SLC9D1: variants seen among roughly 807,000 people sequenced by gnomAD.
SLC9D1 encodes the protein solute carrier family 9 member D1.
chr13:113,544,461 C>T, the SLC9D1 span, among the ~76,000 whole-genome samples: 2 of 152,258 alleles, frequency 1.3e-5, no homozygotes, highest in Admixed American at 6.5e-5. Flanking sequence ...GGTTCGCCAG[C>T]TGCGGCCCAA....
chr13:113,505,325 T>G, the SLC9D1 span: 1 of 152,250 alleles, frequency 6.6e-6, no homozygotes, highest in East Asian at 1.9e-4. Flanking sequence ...TGCCTTGACC[T>G]GGTAGTTCTT....
At chr13:113,516,941 A>G in the SLC9D1 span, among the ~76,000 whole-genome samples, 3 of 152,242 alleles carry the variant, frequency 2.0e-5, no homozygotes, top group South Asian at 6.2e-4. Context: ...TCGGAGCAAG[A>G]CTCATTGTCC....
the SLC9D1 span, among the ~76,000 whole-genome samples, chr13:113,508,607 C>T: frequency 2.6e-5 from 4 of 152,240 alleles, no homozygotes; most frequent in Admixed American, 6.5e-5. Context: ...CCTGAGTCTC[C>T]GCAGCCCAGA....
chr13:113,543,114 C>CCGCCCT, the SLC9D1 span, among the ~76,000 whole-genome samples: 1 of 103,520 alleles, frequency 9.7e-6, no homozygotes, highest in African/African-American at 3.7e-5. Context: ...CCCCTGCCCC[C>CCGCCCT]AGCCCTCCCT....
At chr13:113,518,525 G>A in the SLC9D1 span, among the ~76,000 whole-genome samples, 18 of 152,232 alleles carry the variant, frequency 1.2e-4, no homozygotes, top group Non-Finnish European at 1.9e-4. Context: ...TGTAGTGAGA[G>A]ATTTTGTTTC....
chr13:113,539,344 C>T, the SLC9D1 span: 1 of 1,610,518 alleles, frequency 6.2e-7, no homozygotes, highest in Non-Finnish European at 8.5e-7. The surrounding 1 kb of genome is among the most constrained non-coding windows in gnomAD (Gnocchi z 4.8). Flanking sequence ...AAGCTGCGTC[C>T]TGCCTCTCTC....
the SLC9D1 span, among the ~76,000 whole-genome samples, chr13:113,524,682 T>C: frequency 2.6e-5 from 4 of 152,172 alleles, no homozygotes; most frequent in East Asian, 7.7e-4. Context: ...TAATTCACTT[T>C]ATCTGATATT....
At chr13:113,507,856 G>A in the SLC9D1 span, among the ~76,000 whole-genome samples, 7 of 152,382 alleles carry the variant, frequency 4.6e-5, no homozygotes, top group South Asian at 2.1e-4. Flanking sequence ...CCTACCCTGC[G>A]GCTTGTATTT....
At chr13:113,546,499 G>A in the SLC9D1 span, among the ~76,000 whole-genome samples, 10 of 152,272 alleles carry the variant, frequency 6.6e-5, no homozygotes, top group Admixed American at 3.3e-4. The surrounding 1 kb of genome is among the most constrained non-coding windows in gnomAD (Gnocchi z 7.1). Flanking sequence ...AGAGAACCCC[G>A]GGTCGTGGCA....
chr13:113,545,578 G>A, the SLC9D1 span, among the ~76,000 whole-genome samples: 7 of 152,228 alleles, frequency 4.6e-5, no homozygotes, highest in East Asian at 9.7e-4. Context: ...CCCCCACTCC[G>A]CCCCCAGGGC....
the SLC9D1 span, among the ~76,000 whole-genome samples, chr13:113,494,158 T>C: frequency 6.6e-6 from 1 of 152,232 alleles, no homozygotes; most frequent in African/African-American, 2.4e-5. Flanking sequence ...TAACAGTCCA[T>C]TGGATGCTGC....
chr13:113,501,966 T>C, the SLC9D1 span: 1 of 1,079,962 alleles, frequency 9.3e-7, no homozygotes, highest in Non-Finnish European at 1.4e-6. Context: ...TTGAATGTGA[T>C]TAATGCAGAT....
chr13:113,495,674 T>G, the SLC9D1 span: 1 of 1,609,568 alleles, frequency 6.2e-7, no homozygotes, highest in Non-Finnish European at 8.5e-7. Flanking sequence ...TGGCGCAGCG[T>G]GTGATCAAAC....
chr13:113,517,064 A>G, the SLC9D1 span, among the ~76,000 whole-genome samples: 1 of 152,256 alleles, frequency 6.6e-6, no homozygotes, highest in Non-Finnish European at 1.5e-5. Flanking sequence ...TGGTTCACAA[A>G]GGAAGACGGG....
the SLC9D1 span, among the ~76,000 whole-genome samples, chr13:113,519,751 C>T: frequency 6.6e-6 from 1 of 151,328 alleles, no homozygotes; most frequent in African/African-American, 2.4e-5. Context: ...CATTTGGACA[C>T]CAAGTCTGTC....
chr13:113,498,687 G>A, the SLC9D1 span: 7 of 551,616 alleles, frequency 1.3e-5, no homozygotes, highest in Non-Finnish European at 2.1e-5. Flanking sequence ...GTAGAAGTAA[G>A]CTAATTATCT....
the SLC9D1 span, among the ~76,000 whole-genome samples, chr13:113,538,851 G>A: frequency 1.3e-5 from 2 of 152,230 alleles, no homozygotes; most frequent in East Asian, 1.9e-4. Context: ...GCGGCCGTCC[G>A]GCCGGCGCGC....
chr13:113,512,962 G>GA, the SLC9D1 span, among the ~76,000 whole-genome samples: 1 of 152,082 alleles, frequency 6.6e-6, no homozygotes, highest in Admixed American at 6.5e-5. Context: ...AGAGCCCCAG[G>GA]GGCCGAGACT....
chr13:113,510,412 G>A, the SLC9D1 span: 1 of 1,612,278 alleles, frequency 6.2e-7, no homozygotes, highest in Non-Finnish European at 8.5e-7. Flanking sequence ...CAGTGCTCGG[G>A]GTGACAAAGA....
Sources: gnomAD v4.1 joint callset for allele counts (sites outside exome capture counted in the v4.1 genomes callset) on GRCh38, gnomAD v4.1.1 for gene constraint, Gnocchi (gnomAD v3.1) non-coding constraint, MANE v1.5 for transcripts, NCBI Gene and HGNC (gene_info 2026-07-23, HGNC 2026-07-21) for gene names.